Variants in AVEN observed in about 807,000 individuals in gnomAD.
AVEN encodes cell death regulator Aven.
Under a neutral mutation model 38.1 loss-of-function variants are expected in AVEN, and 41 were observed. That is an observed-to-expected ratio of 1.08 (90% CI 0.84 to 1.40). The LOEUF is 1.40. AVEN is among the 40% of genes most tolerant of loss of function. AVEN has a pLI of 0.00. For synonymous variants in AVEN, 206 were observed against 171.8 expected (o/e 1.20, Z -1.56); for missense variants, 605 against 438.8 (o/e 1.38, Z -3.38).
intron 2 of AVEN, among the ~76,000 whole-genome samples, chr15:33,953,860 C>G (rs918676235): frequency 6.6e-6 from 1 of 152,094 alleles, no homozygotes; most frequent in African/African-American, 2.4e-5. Context: ...GCAACCTATA[C>G]AATGGAAGAA....
chr15:33,863,384 C>T (rs1278666070), downstream of AVEN, among the ~76,000 whole-genome samples: 6 of 152,150 alleles, frequency 3.9e-5, no homozygotes, highest in Admixed American at 1.3e-4. Context: ...ATACACTATA[C>T]CACCATGACA....
chr15:33,875,583 AT>A (rs1401413191), intron 3 of AVEN, among the ~76,000 whole-genome samples: 4 of 152,216 alleles, frequency 2.6e-5, no homozygotes, highest in Non-Finnish European at 5.9e-5. Flanking sequence ...CAGAAAACTA[AT>A]TTTCAACTCT....
At chr15:34,073,207 AT>A (rs761265891) in intron 1 of AVEN, among the ~76,000 whole-genome samples, 1,226 of 111,838 alleles carry the variant, frequency 0.011, 13 homozygotes, top group African/African-American at 0.034. Context: ...CGCCCGGCTA[AT>A]TTTTTTTTTT....
intron 4 of AVEN, among the ~76,000 whole-genome samples, chr15:33,869,912 A>G (rs1373162460): frequency 1.3e-5 from 2 of 150,882 alleles, no homozygotes; most frequent in Non-Finnish European, 2.9e-5. Context: ...TTCATCAATT[A>G]TCACTTCATC....
At chr15:34,010,623 G>C (rs1897597379) in intron 1 of AVEN, among the ~76,000 whole-genome samples, 2 of 152,074 alleles carry the variant, frequency 1.3e-5, no homozygotes, top group Non-Finnish European at 2.9e-5. Flanking sequence ...CTCACAAAAG[G>C]TAAATTATAT....
At position 33,867,665 on chromosome 15, in the gene AVEN, G is replaced by C. The variant is rs55873945; in HGVS notation, c.803C>G (p.Ser268Cys). 1.2e-6 allele frequency: 2 copies of C among 1,614,168 alleles called. No individual in the cohort carries two copies. Among genetic ancestry groups the C allele is most frequent in the South Asian group, 1.1e-5 (1 of 91,078 alleles). The change falls in exon 5 of 6, where the codon TCT (serine) becomes TGT (cysteine). Residue 268 changes from serine (S) to cysteine (C), a missense_variant. Transcript: ENST00000306730. ...CTGCAGTGGGGAAGTGGGTTTCTGAGAATCCCTTGAAGGACCCGGGCTTGG... is the reference window on the plus strand; with the variant it reads ...CTGCAGTGGGGAAGTGGGTTTCTGACAATCCCTTGAAGGACCCGGGCTTGG... ...DNPSPGPSRD[S>C]QKPTSPLQSA...
At chr15:33,959,851 G>A (rs1209493576) in intron 2 of AVEN, among the ~76,000 whole-genome samples, 1 of 152,102 alleles carries the variant, frequency 6.6e-6, no homozygotes, top group Non-Finnish European at 1.5e-5. Context: ...CAGCAGAAAG[G>A]ATATATATCA....
At position 33,916,672 on chromosome 15, in the gene AVEN, A is replaced by G. The variant is rs544042991; in HGVS notation, c.446-40677T>C. The stretch of plus-strand genomic sequence containing the variant: ...TACTCCTGCAAGAACGGCCATAATA[A>G]AAAAATAATAATAATAAATGTTGGC... On this transcript the variant is annotated intron_variant, in intron 2 of 5. Transcript: ENST00000306730. 1.5e-3 allele frequency among the ~76,000 whole-genome samples: 226 copies of G among 152,282 alleles called. 1 individual carries two copies. Among genetic ancestry groups the G allele is most frequent in the African/African-American group, 5.2e-3 (216 of 41,548 alleles).
intron 2 of AVEN, among the ~76,000 whole-genome samples, chr15:33,950,288 T>C (rs1326593558): frequency 6.6e-6 from 1 of 152,196 alleles, no homozygotes; most frequent in East Asian, 1.9e-4. Context: ...ACAAACAGCA[T>C]AGTGACTATA....
At chr15:33,988,754 G>GAA (rs1467146363) in intron 2 of AVEN, among the ~76,000 whole-genome samples, 1 of 152,174 alleles carries the variant, frequency 6.6e-6, no homozygotes, top group African/African-American at 2.4e-5. Flanking sequence ...TTACAGGGTT[G>GAA]AAAAAACTCC....
chr15:33,909,850 C>A (rs546809534), intron 2 of AVEN, among the ~76,000 whole-genome samples: 1 of 151,984 alleles, frequency 6.6e-6, no homozygotes, highest in Admixed American at 6.6e-5. Flanking sequence ...ATTTGCTGGC[C>A]GGGCACGGTG....
At chr15:33,866,786 ATTCAGCCCAATTTATTACT>A (rs1371955156) in intron 5 of AVEN, 58 bp from the exon 6 acceptor site, 44 of 1,220,076 alleles carry the variant, frequency 3.6e-5, no homozygotes, top group Non-Finnish European at 5.2e-5. Flanking sequence ...TGAAGGTATA[ATTCAGCCCAATTTATTACT>A]TTCCTTACAA....
rs568519386 is a variant in AVEN at position 33,888,920 on chromosome 15, G to C, written c.446-12925C>G. On this transcript the variant is annotated intron_variant, in intron 2 of 5. Coordinates refer to ENST00000306730, the MANE Select transcript of AVEN (RefSeq NM_020371.3). ...GCGCATGCCACCACGCCCAGCTAAAGTTGGCCAGGATGGTCTCAATTTCTT... is the reference window on the plus strand; with the variant it reads ...GCGCATGCCACCACGCCCAGCTAAACTTGGCCAGGATGGTCTCAATTTCTT... 7.2e-5 allele frequency among the ~76,000 whole-genome samples: 11 copies of C among 152,008 alleles called. No individual in the cohort carries two copies. The East Asian group carries it at 1.2e-3, about 16-fold the overall frequency.
intron 2 of AVEN, among the ~76,000 whole-genome samples, chr15:33,891,757 G>A (rs1297966845): frequency 6.6e-6 from 1 of 152,154 alleles, no homozygotes; most frequent in Non-Finnish European, 1.5e-5. Flanking sequence ...TAGTGGGATG[G>A]CTGGGTCAAA....
intron 2 of AVEN, among the ~76,000 whole-genome samples, chr15:33,894,324 A>G (rs1162920031): frequency 2.0e-5 from 3 of 152,026 alleles, no homozygotes; most frequent in Non-Finnish European, 4.4e-5. Flanking sequence ...ACTCTGCCCA[A>G]TCTCCAGAAA....
At chr15:34,014,222 G>A (rs1897765636) in intron 1 of AVEN, among the ~76,000 whole-genome samples, 1 of 151,932 alleles carries the variant, frequency 6.6e-6, no homozygotes, top group Non-Finnish European at 1.5e-5. Context: ...AAATTAGCCA[G>A]GCGTGGTGGC....
intron 2 of AVEN, among the ~76,000 whole-genome samples, chr15:33,897,008 G>GT (rs1382482227): frequency 6.6e-6 from 1 of 152,160 alleles, no homozygotes; most frequent in Non-Finnish European, 1.5e-5. Flanking sequence ...CTTCCAGTAA[G>GT]TGCAACAACA....
chr15:33,871,172 G>A (rs1281406693), intron 3 of AVEN, 142 bp from the exon 4 acceptor site: 10 of 455,446 alleles, frequency 2.2e-5, no homozygotes, highest in Admixed American at 4.3e-5. Context: ...ATGTGTTAGA[G>A]TTTCTGCATC....
At position 33,937,532 on chromosome 15, in the gene AVEN, C is replaced by CA. The variant is rs34079351; in HGVS notation, c.446-61538dup. 5.3e-3 allele frequency among the ~76,000 whole-genome samples: 783 copies of CA among 147,298 alleles called. 4 individuals are homozygous for CA. The highest frequency in any genetic ancestry group is 0.019 in the African/African-American group (739 of 39,456). ...TGGGCGACAGAGCGAGACTCCATCT[C>CA]AAAAAAAAAAAATAAATCCTTCTAC... On this transcript the variant is annotated intron_variant, in intron 2 of 5. Transcript: ENST00000306730.
Sources: gnomAD v4.1 joint callset for allele counts (sites outside exome capture counted in the v4.1 genomes callset) on GRCh38, gnomAD v4.1.1 for gene constraint, MANE v1.5 for transcripts, NCBI Gene and HGNC (gene_info 2026-07-23, HGNC 2026-07-21) for gene names.